SFMBT2: variants seen among roughly 807,000 people sequenced by gnomAD.
The protein encoded by SFMBT2 is scm-like with four MBT domains protein 2.
In SFMBT2, 38 loss-of-function variants were observed where a neutral mutation model predicts 110.1. The ratio of observed to expected loss-of-function variants is 0.35; its 90% CI spans 0.27 to 0.45. SFMBT2 has a LOEUF of 0.45. Ranked by LOEUF, SFMBT2 falls within the 20% of genes least tolerant of loss-of-function variation. The probability of loss-of-function intolerance (pLI) is 1.00; values close to 1 mark genes in which losing one functional copy is unlikely to be tolerated. For synonymous variants in SFMBT2, 425 were observed against 425.4 expected, an observed-to-expected ratio of 1.00 and a Z score of 0.01; for missense variants, 1,011 against 1,094.9, an observed-to-expected ratio of 0.92 and a Z score of 1.08.
chr10:7,186,457 C>CATAT (rs1392070560), intron 16 of SFMBT2, among the ~76,000 whole-genome samples: 22 of 110,422 alleles, frequency 2.0e-4, no homozygotes, highest in African/African-American at 9.0e-4. Flanking sequence ...CACACACACA[C>CATAT]ACATATATAT....
At chr10:7,198,084 T>C (rs950417882) in intron 14 of SFMBT2, 7 of 985,274 alleles carry the variant, frequency 7.1e-6, no homozygotes, top group South Asian at 4.7e-5. Flanking sequence ...CACAAGTGTG[T>C]CAACTTCACC....
chr10:7,329,876 G>A lies in SFMBT2; in HGVS notation c.436+37773C>T, dbSNP rs117325383. Among the ~76,000 whole-genome samples the A allele has an allele frequency of 6.6e-5, 10 of 152,314 alleles. No individual in the cohort carries two copies. The East Asian group carries it at 1.9e-3, about 29-fold the overall frequency. ...AGGTCACTCGGGCTGTCCCCTATTG[G>A]ATCCAACAGTCCCAAACAAAGCCAC... On this transcript the variant is annotated intron_variant, in intron 4 of 20. Transcript: ENST00000397167.
At chr10:7,394,433 T>C (rs1036350009) in intron 1 of SFMBT2, among the ~76,000 whole-genome samples, 1 of 151,212 alleles carries the variant, frequency 6.6e-6, no homozygotes. Flanking sequence ...TCCTCTCCAC[T>C]CTCTGGGGAA....
chr10:7,225,990 C>T (rs1839887196), intron 10 of SFMBT2, among the ~76,000 whole-genome samples: 1 of 152,202 alleles, frequency 6.6e-6, no homozygotes, highest in African/African-American at 2.4e-5. Flanking sequence ...TAACCAGCTG[C>T]AGTCCTCATG....
intron 17 of SFMBT2, among the ~76,000 whole-genome samples, chr10:7,174,887 T>A (rs1838002749): frequency 6.6e-6 from 1 of 152,220 alleles, no homozygotes; most frequent in African/African-American, 2.4e-5. Flanking sequence ...GGGAGGTCTG[T>A]GTGATCAGTG....
At chr10:7,174,113 C>T (rs1374732886) in intron 17 of SFMBT2, among the ~76,000 whole-genome samples, 8 of 152,210 alleles carry the variant, frequency 5.3e-5, no homozygotes, top group South Asian at 4.1e-4. Context: ...ACACCTGCTC[C>T]GGGAGCCCCG....
chr10:7,274,691 G>A (rs1182878613), intron 7 of SFMBT2, among the ~76,000 whole-genome samples: 3 of 152,084 alleles, frequency 2.0e-5, no homozygotes, highest in Non-Finnish European at 4.4e-5. Flanking sequence ...AACAGCATGA[G>A]AACAAACTAA....
intron 4 of SFMBT2, among the ~76,000 whole-genome samples, chr10:7,311,285 T>C (rs1212267799): frequency 5.9e-5 from 9 of 152,030 alleles, no homozygotes; most frequent in Admixed American, 5.9e-4. Flanking sequence ...ACAAGATTAA[T>C]CTAGAGCTAA....
intron 9 of SFMBT2, chr10:7,228,435 G>C: frequency 1.4e-6 from 1 of 716,662 alleles, no homozygotes; most frequent in Non-Finnish European, 1.7e-6. Context: ...ACAGAAGGTA[G>C]AGAAGAGGGC....
At chr10:7,252,918 G>A (rs949969907) in intron 7 of SFMBT2, among the ~76,000 whole-genome samples, 2 of 152,200 alleles carry the variant, frequency 1.3e-5, no homozygotes, top group African/African-American at 4.8e-5. Flanking sequence ...CATAATTAGA[G>A]AGGGTTGTAA....
At chr10:7,229,826 T>G (rs1342854739) in intron 9 of SFMBT2, among the ~76,000 whole-genome samples, 2 of 150,248 alleles carry the variant, frequency 1.3e-5, no homozygotes, top group East Asian at 4.1e-4. Context: ...GTTCAAGCAA[T>G]TCTCCTGCCT....
At chr10:7,259,910 G>C (rs184684878) in intron 7 of SFMBT2, among the ~76,000 whole-genome samples, 1 of 152,336 alleles carries the variant, frequency 6.6e-6, no homozygotes, top group Non-Finnish European at 1.5e-5. Context: ...ACCCGGTGCT[G>C]CCAGTCTACA....
intron 2 of SFMBT2, among the ~76,000 whole-genome samples, chr10:7,373,205 T>C (rs998840311): frequency 2.0e-5 from 3 of 152,102 alleles, no homozygotes; most frequent in Non-Finnish European, 2.9e-5. Flanking sequence ...AGTGGGTTGT[T>C]AAGACCCTGG....
intron 1 of SFMBT2, among the ~76,000 whole-genome samples, chr10:7,385,843 CAA>C (rs562413090): frequency 2.6e-5 from 4 of 151,984 alleles, no homozygotes; most frequent in Admixed American, 2.6e-4. Context: ...ACTAAAAATA[CAA>C]AAAAATTAGC....
chr10:7,199,190 G>C (rs1211358406), intron 14 of SFMBT2, among the ~76,000 whole-genome samples: 1 of 152,122 alleles, frequency 6.6e-6, no homozygotes, highest in East Asian at 1.9e-4. Context: ...TGTTGGCCAG[G>C]CTGGCCTCGA....
chr10:7,235,158 C>A (rs1840217054), intron 9 of SFMBT2, among the ~76,000 whole-genome samples: 1 of 152,112 alleles, frequency 6.6e-6, no homozygotes, highest in Non-Finnish European at 1.5e-5. Flanking sequence ...ATCAGGGACA[C>A]CCTCATGGAC....
At chr10:7,405,824 C>T (rs1423010987) in intron 1 of SFMBT2, among the ~76,000 whole-genome samples, 1 of 132,724 alleles carries the variant, frequency 7.5e-6, no homozygotes, top group Non-Finnish European at 1.6e-5. Context: ...GGCCCGATTC[C>T]CCCCCCGACC....
In SFMBT2 at chr10:7,176,123, C is replaced by T; in HGVS notation, c.1851G>A (p.Arg617=). Residue 617 remains arginine (R), a synonymous_variant, in exon 17 of 21, where the codon CGG becomes CGA. Coordinates refer to ENST00000397167, the MANE Select transcript of SFMBT2 (RefSeq NM_001387889.1). Reference sequence around the variant, plus strand: ...AGAAATTTGCGACTTGGTCAGATGTCCGTACGATTTTGACCACAGCCCTGT... The same window carrying T: ...AGAAATTTGCGACTTGGTCAGATGTTCGTACGATTTTGACCACAGCCCTGT... ...KTYRAVVKIV[R]TSDQVANFCR... 6.2e-7 allele frequency: 1 copy of T among 1,614,142 alleles called. No homozygotes were observed.
At chr10:7,372,221 T>C (rs538626955) in intron 2 of SFMBT2, among the ~76,000 whole-genome samples, 1 of 152,310 alleles carries the variant, frequency 6.6e-6, no homozygotes, top group Non-Finnish European at 1.5e-5. Context: ...CCCGGCCTTC[T>C]TGAAATTTTT....
Sources: allele counts gnomAD v4.1 joint callset (sites outside exome capture counted in the v4.1 genomes callset), GRCh38; gene constraint gnomAD v4.1.1; transcripts MANE v1.5; gene names NCBI Gene and HGNC (gene_info 2026-07-23, HGNC 2026-07-21).